AIG1: variants seen among roughly 807,000 people sequenced by gnomAD.
AIG1 encodes androgen-induced gene 1 protein.
A neutral mutation model predicts 31.4 loss-of-function variants in AIG1; 23 were observed. The ratio of observed to expected loss-of-function variants is 0.73; its 90% CI spans 0.53 to 1.04. AIG1 has a LOEUF of 1.04. Ranked by LOEUF, AIG1 falls within the 50% of genes least tolerant of loss-of-function variation. The probability of loss-of-function intolerance (pLI) is 0.00; values close to 1 mark genes in which losing one functional copy is unlikely to be tolerated. For synonymous variants in AIG1, 100 were observed against 110.5 expected, an observed-to-expected ratio of 0.90 and a Z score of 0.60; for missense variants, 274 against 295.0, an observed-to-expected ratio of 0.93 and a Z score of 0.52.
chr6:143,065,962 C>G (rs867246194), intron 1 of AIG1, among the ~76,000 whole-genome samples: 2 of 152,256 alleles, frequency 1.3e-5, no homozygotes, highest in Admixed American at 6.5e-5. Context: ...CTCTTAGGGC[C>G]GTATCATACC....
rs1798231251 is a variant in AIG1 at position 143,293,870 on chromosome 6, A to G, written c.515+9645A>G. Among the ~76,000 whole-genome samples the G allele has an allele frequency of 1.3e-5, 2 of 151,856 alleles. No individual in the cohort carries two copies. Among genetic ancestry groups the G allele is most frequent in the Non-Finnish European group, 2.9e-5 (2 of 67,984 alleles). On this transcript the variant is annotated intron_variant, in intron 4 of 5. Coordinates refer to ENST00000357847, the MANE Select transcript of AIG1 (RefSeq NM_016108.4). The surrounding 1 kb of genome is among the most constrained non-coding windows in gnomAD (Gnocchi z 4.8). ...CAGTGTGATGCTGCTTGTGCTCTTG[A>G]TGCTACTTGGCAATTTTCCTGTGGA...
At chr6:143,114,852 T>C (rs184554964) in intron 1 of AIG1, among the ~76,000 whole-genome samples, 1 of 152,354 alleles carries the variant, frequency 6.6e-6, no homozygotes, top group East Asian at 1.9e-4. Flanking sequence ...CCTCTACTTC[T>C]TCATTTGTGA....
chr6:143,306,606 C>A (rs907583297), intron 4 of AIG1, among the ~76,000 whole-genome samples: 1 of 152,206 alleles, frequency 6.6e-6, no homozygotes, highest in African/African-American at 2.4e-5. Flanking sequence ...GTGGGTAACC[C>A]GACCTTTCTC....
intron 1 of AIG1, among the ~76,000 whole-genome samples, chr6:143,062,887 T>C (rs1402131518): frequency 6.6e-6 from 1 of 152,202 alleles, no homozygotes; most frequent in Non-Finnish European, 1.5e-5. Flanking sequence ...GCTGGCCTAT[T>C]TGAATGTTGC....
intron 5 of AIG1, among the ~76,000 whole-genome samples, chr6:143,336,396 G>T (rs1777495742): frequency 6.6e-6 from 1 of 152,110 alleles, no homozygotes; most frequent in Admixed American, 6.5e-5. Flanking sequence ...AAAATCTTAA[G>T]TGACCCTCCA....
intron 3 of AIG1, among the ~76,000 whole-genome samples, chr6:143,277,334 A>G (rs752214163): frequency 6.6e-6 from 1 of 152,210 alleles, no homozygotes; most frequent in Admixed American, 6.5e-5. Context: ...CAATATAGCT[A>G]TAAACTTATT....
At chr6:143,170,966 A>C (rs538341629) in intron 3 of AIG1, among the ~76,000 whole-genome samples, 1 of 152,218 alleles carries the variant, frequency 6.6e-6, no homozygotes, top group East Asian at 1.9e-4. Context: ...ATGGGACAAC[A>C]TTAAGGAAAC....
At chr6:143,189,275 C>G (rs1257637108) in intron 3 of AIG1, 2 of 516,286 alleles carry the variant, frequency 3.9e-6, no homozygotes, top group Non-Finnish European at 5.0e-6. Context: ...AGACAATGGC[C>G]TCATTATGTT....
chr6:143,160,308 A>C (rs1256883770), intron 2 of AIG1, among the ~76,000 whole-genome samples: 1 of 152,238 alleles, frequency 6.6e-6, no homozygotes, highest in Non-Finnish European at 1.5e-5. Flanking sequence ...TCTTCTTAGA[A>C]GTGGACTAAA....
At position 143,132,686 on chromosome 6, in the gene AIG1, A is replaced by G. The variant is rs542949444; in HGVS notation, c.142-4149A>G. 1.1e-4 allele frequency among the ~76,000 whole-genome samples: 17 copies of G among 151,756 alleles called. No individual in the cohort carries two copies. The South Asian group carries it at 3.5e-3, about 32-fold the overall frequency. On this transcript the variant is annotated intron_variant, in intron 1 of 5. Transcript: ENST00000357847. ...TACCTGACCTTTGGGTCTCCAATACACATATATTAGACTGCTTGATATTTT... is the reference window on the plus strand; with the variant it reads ...TACCTGACCTTTGGGTCTCCAATACGCATATATTAGACTGCTTGATATTTT...
intron 3 of AIG1, among the ~76,000 whole-genome samples, chr6:143,250,163 C>T (rs930718210): frequency 6.6e-6 from 1 of 152,218 alleles, no homozygotes; most frequent in Non-Finnish European, 1.5e-5. Flanking sequence ...GGCCCTAGGG[C>T]TCAGTCACTC....
rs1027450949 is a variant in AIG1 at position 143,292,151 on chromosome 6, G to C, written c.515+7926G>C. Among the ~76,000 whole-genome samples the C allele has an allele frequency of 2.0e-5, 3 of 152,124 alleles. No homozygotes were observed. The highest frequency in any genetic ancestry group is 4.8e-5 in the African/African-American group (2 of 41,402). ...AGCCCCTTTAATAATGTTTAACCTTGGTATGGAAGGCAAAATAATGCTCAC... is the reference window on the plus strand; with the variant it reads ...AGCCCCTTTAATAATGTTTAACCTTCGTATGGAAGGCAAAATAATGCTCAC... On this transcript the variant is annotated intron_variant, in intron 4 of 5. Coordinates refer to ENST00000357847, the MANE Select transcript of AIG1 (RefSeq NM_016108.4). The surrounding 1 kb of genome is among the most constrained non-coding windows in gnomAD (Gnocchi z 4.9).
chr6:143,226,616 C>T (rs1204726630), intron 3 of AIG1, among the ~76,000 whole-genome samples: 1 of 152,110 alleles, frequency 6.6e-6, no homozygotes, highest in Non-Finnish European at 1.5e-5. Context: ...CTGTTAGCTG[C>T]TGCAAATATT....
At chr6:143,237,715 A>G (rs1793914136) in intron 3 of AIG1, among the ~76,000 whole-genome samples, 1 of 152,220 alleles carries the variant, frequency 6.6e-6, no homozygotes, top group African/African-American at 2.4e-5. Context: ...TTAGAAATGT[A>G]GGAGAAGAGA....
intron 3 of AIG1, among the ~76,000 whole-genome samples, chr6:143,246,731 T>C (rs1445192513): frequency 4.6e-5 from 7 of 152,220 alleles, no homozygotes; most frequent in African/African-American, 1.4e-4. Flanking sequence ...TAAAAACTCA[T>C]GTAATCCTCT....
At chr6:143,205,743 A>T (rs1791058498) in intron 3 of AIG1, among the ~76,000 whole-genome samples, 1 of 152,240 alleles carries the variant, frequency 6.6e-6, no homozygotes, top group Non-Finnish European at 1.5e-5. Flanking sequence ...GATTAATGTA[A>T]TATTGCATTA....
chr6:143,305,938 G>A (rs1209676151), intron 4 of AIG1, among the ~76,000 whole-genome samples: 3 of 152,164 alleles, frequency 2.0e-5, no homozygotes, highest in Non-Finnish European at 2.9e-5. Context: ...ATTTAGTATA[G>A]TTAACTCTTC....
At chr6:143,100,796 T>A (rs1426111236) in intron 1 of AIG1, among the ~76,000 whole-genome samples, 2 of 152,040 alleles carry the variant, frequency 1.3e-5, no homozygotes, top group Non-Finnish European at 2.9e-5. Context: ...GCGATTCTCC[T>A]GCCTCAGCCT....
intron 3 of AIG1, among the ~76,000 whole-genome samples, chr6:143,259,271 T>C (rs896738011): frequency 1.3e-5 from 2 of 152,220 alleles, no homozygotes; most frequent in African/African-American, 2.4e-5. Context: ...CAAAACAGAC[T>C]AAGACAACCT....
Sources: gnomAD v4.1 joint callset for allele counts (sites outside exome capture counted in the v4.1 genomes callset) on GRCh38, gnomAD v4.1.1 for gene constraint, Gnocchi (gnomAD v3.1) non-coding constraint, MANE v1.5 for transcripts, NCBI Gene and HGNC (gene_info 2026-07-23, HGNC 2026-07-21) for gene names.